NUP98: variants seen among roughly 807,000 people sequenced by gnomAD.
The protein encoded by NUP98 is nucleoporin 98 and 96 precursor.
In NUP98, 26 loss-of-function variants were observed where a neutral mutation model predicts 191.9. That is an observed-to-expected ratio of 0.14 (90% CI 0.10 to 0.19). The LOEUF (loss-of-function observed/expected upper bound fraction) is 0.19, where lower values mean the gene tolerates loss of function less well. NUP98 is among the 10% of genes least tolerant of loss of function. NUP98 has a pLI of 1.00. For missense variants in NUP98, 1,941 were observed against 2,178.8 expected (o/e 0.89, Z 2.17); for synonymous variants, 808 against 778.4 (o/e 1.04, Z -0.63).
intron 11 of NUP98, among the ~76,000 whole-genome samples, chr11:3,745,404 G>A (rs181700978): frequency 1.2e-4 from 19 of 152,276 alleles, no homozygotes; most frequent in African/African-American, 4.6e-4. Flanking sequence ...GCACGAACCA[G>A]AGTGGTTGGA....
In NUP98 at chr11:3,775,893, T is replaced by C. The variant is rs770474475; in HGVS notation, c.484A>G (p.Ile162Val). The C allele has an allele frequency of 9.9e-6, 16 of 1,610,590 alleles. No individual in the cohort carries two copies. In the Admixed American group the frequency reaches 2.5e-4, roughly 26 times the overall value. ...SFTAAPTGTT[I>V]KFNPPTGTDT... is the part of the protein sequence containing the mutation. The stretch of plus-strand genomic sequence containing the variant: ...AAGAAAATACATACGTTAAATTTAA[T>C]AGTAGTCCCAGTAGGAGCAGCTGTA... The change falls in exon 5 of 33, where the codon ATT (isoleucine) becomes GTT (valine). Residue 162 changes from isoleucine to valine, a missense_variant. By Grantham distance (29) the Ile-to-Val change is conservative. Coordinates refer to ENST00000324932, the MANE Select transcript of NUP98 (RefSeq NM_016320.5).
At chr11:3,794,345 C>CA (rs1376143722) in intron 1 of NUP98, among the ~76,000 whole-genome samples, 1 of 152,058 alleles carries the variant, frequency 6.6e-6, no homozygotes, top group Non-Finnish European at 1.5e-5. Flanking sequence ...TTTCTTGAGT[C>CA]AGAGTCTCGC....
At chr11:3,764,636 T>C (rs2081278435) in intron 8 of NUP98, among the ~76,000 whole-genome samples, 1 of 152,232 alleles carries the variant, frequency 6.6e-6, no homozygotes. Context: ...TGGAGTGCAG[T>C]AGCACAATCT....
At chr11:3,790,876 T>C (rs182237053) in intron 1 of NUP98, among the ~76,000 whole-genome samples, 23 of 151,846 alleles carry the variant, frequency 1.5e-4, no homozygotes, top group South Asian at 4.2e-4. Flanking sequence ...TGTAGTTGTT[T>C]TTCTCATGGA....
intron 7 of NUP98, among the ~76,000 whole-genome samples, chr11:3,770,111 G>A (rs112623435): frequency 1.7e-3 from 254 of 151,310 alleles, no homozygotes; most frequent in African/African-American, 5.3e-3. Flanking sequence ...TTGGGAGGCC[G>A]AGGCTGGTTA....
At chr11:3,728,389 T>G (rs1030217368) in intron 14 of NUP98, among the ~76,000 whole-genome samples, 1 of 152,226 alleles carries the variant, frequency 6.6e-6, no homozygotes, top group Non-Finnish European at 1.5e-5. Flanking sequence ...TGCTTCAAAA[T>G]GACCACTGTG....
chr11:3,714,826 A>C (rs1221866341), intron 18 of NUP98: 1 of 152,396 alleles, frequency 6.6e-6, no homozygotes, highest in African/African-American at 2.4e-5. Context: ...GGACCATGCT[A>C]ATCTTCTCTG....
At chr11:3,688,479 G>C in intron 28 of NUP98, among the ~76,000 whole-genome samples, 1 of 151,306 alleles carries the variant, frequency 6.6e-6, no homozygotes, top group Non-Finnish European at 1.5e-5. Flanking sequence ...ACAATAAAAA[G>C]CTACATTCTA....
intron 20 of NUP98, chr11:3,712,164 A>T: frequency 9.4e-7 from 1 of 1,067,898 alleles, no homozygotes; most frequent in Non-Finnish European, 1.1e-6. Context: ...AAGCTAATTT[A>T]ACTTTTAAAA....
chr11:3,793,908 G>A (rs1365299526), intron 1 of NUP98, among the ~76,000 whole-genome samples: 4 of 152,122 alleles, frequency 2.6e-5, no homozygotes, highest in Non-Finnish European at 5.9e-5. Flanking sequence ...GGCGGAGGTT[G>A]CGGTGAGCCA....
rs1195142600 is a variant in NUP98, at chr11:3,675,602, AGT to A, written c.*555_*556del. On this transcript the variant is annotated 3_prime_UTR_variant, in exon 33 of 33. Transcript: ENST00000324932. ...GTGACAGGCATTCACTTCTGCCCTA[AGT>A]GTGTCAGAAAGATCCCATTTTGTTT... 2 of 240,266 alleles carry A rather than the reference AGT, an allele frequency of 8.3e-6. No individual in the cohort carries two copies. The highest frequency in any genetic ancestry group is 1.7e-5 in the Non-Finnish European group (2 of 121,156). The allele number at this position is 240,266 out of a possible 1,614,324, so 14.9% of individuals were successfully genotyped here.
chr11:3,678,341 G>T (rs541362424), intron 31 of NUP98, among the ~76,000 whole-genome samples: 2 of 152,162 alleles, frequency 1.3e-5, no homozygotes, highest in Admixed American at 1.3e-4. Flanking sequence ...GCCACAAATT[G>T]AATCTATAAG....
chr11:3,681,241 A>G (rs1406619774), intron 30 of NUP98, among the ~76,000 whole-genome samples: 1 of 152,058 alleles, frequency 6.6e-6, no homozygotes, highest in East Asian at 1.9e-4. Flanking sequence ...GGGTTTCACC[A>G]TGTTGCCCAG....
rs933460561 is a variant in NUP98, at chr11:3,675,936, A to C, written c.*223T>G. 3.2e-5 allele frequency: 18 copies of C among 571,152 alleles called. No individual in the cohort carries two copies. The highest frequency in any genetic ancestry group is 2.8e-4 in the African/African-American group (15 of 53,456). The allele number at this position is 571,152 out of a possible 1,614,324, so 35.4% of individuals were successfully genotyped here. A position where few individuals can be genotyped will look rare whatever the true frequency, so the allele number is the denominator to read the frequency against. On this transcript the variant is annotated 3_prime_UTR_variant, in exon 33 of 33. Transcript: ENST00000324932. ...AAAGGAAAAACACTGAATGATCTTGAGGATGGTAAACTGTCTCCTCTTCTG... is the reference window on the plus strand; with the variant it reads ...AAAGGAAAAACACTGAATGATCTTGCGGATGGTAAACTGTCTCCTCTTCTG...
At chr11:3,713,400 C>T (rs1331308169) in intron 19 of NUP98, among the ~76,000 whole-genome samples, 1 of 152,160 alleles carries the variant, frequency 6.6e-6, no homozygotes, top group Non-Finnish European at 1.5e-5. Context: ...TGTATCTGTA[C>T]ATCTCTCTCC....
intron 25 of NUP98, 105 bp downstream of exon 25, chr11:3,698,977 C>T: frequency 7.6e-7 from 1 of 1,307,928 alleles, no homozygotes; most frequent in Non-Finnish European, 1.1e-6. Flanking sequence ...AATTAATACT[C>T]ATAGGCTAGA....
intron 11 of NUP98, among the ~76,000 whole-genome samples, chr11:3,749,150 T>C (rs1314537781): frequency 7.3e-6 from 1 of 137,776 alleles, no homozygotes; most frequent in African/African-American, 2.7e-5. Context: ...CTACTAAAAA[T>C]ACAAAAAATT....
chr11:3,782,089 A>C lies in NUP98; in HGVS notation c.29T>G (p.Phe10Cys). 6.2e-7 allele frequency: 1 copy of C among 1,612,760 alleles called. No homozygotes were observed. The highest frequency in any genetic ancestry group is 8.5e-7 in the Non-Finnish European group (1 of 1,179,422). The change falls in exon 2 of 33, where the codon TTT becomes TGT. Residue 10 changes from phenylalanine (F) to cysteine (C), a missense_variant. Around this residue, in one of 6 missense-constraint regions of NUP98, gnomAD observed 154 missense variants for 182.9 expected, o/e 0.84. Coordinates refer to ENST00000324932, the MANE Select transcript of NUP98 (RefSeq NM_016320.5). MFNKSFGTPFGGGTGGFGTT... is the reference protein window; with the variant it reads MFNKSFGTPCGGGTGGFGTT... ...GCCAAAGCCACCTGTGCCACCCCCA[A>C]AGGGTGTTCCAAATGATTTGTTAAA... is the stretch of plus-strand genomic sequence containing the variant.
intron 32 of NUP98, 63 bp from the exon 33 acceptor site, chr11:3,676,439 A>C: frequency 2.5e-6 from 4 of 1,602,772 alleles, no homozygotes; most frequent in Non-Finnish European, 3.4e-6. Flanking sequence ...GTAGGCACTG[A>C]GGGTGGGGTG....
Sources: allele counts gnomAD v4.1 joint callset (sites outside exome capture counted in the v4.1 genomes callset), GRCh38; gene constraint gnomAD v4.1.1; regional missense constraint gnomAD v4.1.1; transcripts MANE v1.5; gene names NCBI Gene and HGNC (gene_info 2026-07-23, HGNC 2026-07-21).